Variants in ARL6IP4 observed in about 807,000 individuals in gnomAD.
The protein encoded by ARL6IP4 is ADP-ribosylation factor-like protein 6-interacting protein 4.
Under a neutral mutation model 28.1 loss-of-function variants are expected in ARL6IP4, and 24 were observed. That is an observed-to-expected ratio of 0.86 (90% CI 0.62 to 1.20). The LOEUF is 1.20. Ranked by LOEUF, ARL6IP4 falls within the 50% of genes most tolerant of loss-of-function variation. The pLI is 0.00. For missense variants in ARL6IP4, 343 were observed against 302.4 expected, an observed-to-expected ratio of 1.13 and a Z score of -1.00; for synonymous variants, 162 against 122.3, an observed-to-expected ratio of 1.32 and a Z score of -2.14.
Position 122,982,624 on chromosome 12 carries a change from C to T in ARL6IP4, c.662C>T (p.Ala221Val). 1 of 1,614,148 alleles carries T rather than the reference C, an allele frequency of 6.2e-7. No homozygotes were observed. The highest frequency in any genetic ancestry group is 8.5e-7 in the Non-Finnish European group (1 of 1,180,042). Residue 221 changes from alanine to valine, a missense_variant, in exon 6 of 6, where the codon GCC becomes GTC. Transcript: ENST00000315580. ...CCTGTGTGCTTTCTTCCCCAGCAAG[C>T]CACCCGAGGGGACTGCCTGGCCTTC... ...KERHREINKQATRGDCLAFQM... is the reference protein window; with the variant it reads ...KERHREINKQVTRGDCLAFQM...
chr12:122,981,086 G>T (rs540553014), intron 1 of ARL6IP4, 43 bp from the exon 2 acceptor site: 4 of 1,511,948 alleles, frequency 2.6e-6, no homozygotes, highest in Non-Finnish European at 3.5e-6. Flanking sequence ...GCCCGCGGCC[G>T]GCCTTGGGGG....
At chr12:122,982,203 C>G (rs576369615) in intron 4 of ARL6IP4, 129 bp downstream of exon 4, 1 of 1,081,212 alleles carries the variant, frequency 9.2e-7, no homozygotes, top group South Asian at 1.3e-5. Flanking sequence ...GGCAAAAATA[C>G]GGTCACTTGG....
In ARL6IP4 at chr12:122,982,825, G is replaced by A. The variant is rs1445654150; in HGVS notation, c.*149G>A. 61 of 832,724 alleles carry A rather than the reference G, an allele frequency of 7.3e-5. No homozygotes were observed. Among genetic ancestry groups the A allele is most frequent in the Non-Finnish European group, 1.3e-5 (7 of 531,328 alleles). The allele number at this position is 832,724 out of a possible 1,614,324, so 51.6% of individuals were successfully genotyped here. ...GCCCAGTCTCTTCTCAGGGGCAGGG[G>A]GTGGAGGTTGGGGTCACCGGCCTGC... On this transcript the variant is annotated 3_prime_UTR_variant, in exon 6 of 6. Coordinates refer to ENST00000315580, the MANE Select transcript of ARL6IP4 (RefSeq NM_018694.4).
chr12:122,981,428 G>A, intron 2 of ARL6IP4, 129 bp downstream of exon 2: 1 of 1,396,976 alleles, frequency 7.2e-7, no homozygotes, highest in Non-Finnish European at 9.4e-7. Flanking sequence ...AGGCGCCGCA[G>A]GAGCCAGGAA....
At position 122,981,190 on chromosome 12, in the gene ARL6IP4, G is replaced by C. The variant is rs1401686703; in HGVS notation, c.51G>C (p.Arg17=). 2 of 1,549,836 alleles carry C rather than the reference G, an allele frequency of 1.3e-6. No homozygotes were observed. The highest frequency in any genetic ancestry group is 1.4e-5 in the African/African-American group (1 of 73,104). Residue 17 remains arginine, a synonymous_variant, in exon 2 of 6, where the codon CGG becomes CGC. Coordinates refer to ENST00000315580, the MANE Select transcript of ARL6IP4 (RefSeq NM_018694.4). ...RKRSRSRSRS[R]GRGSEKRKKK... ...GCTCGAGGAGTCGCAGCCGGTCCCG[G>C]GGACGGGGGTCGGAAAAGAGAAAGA...
rs2037602154 is a variant in ARL6IP4 at position 122,980,684 on chromosome 12, C to G, written c.-73C>G. 3 of 1,343,682 alleles carry G rather than the reference C, an allele frequency of 2.2e-6. No homozygotes were observed. The highest frequency in any genetic ancestry group is 1.9e-5 in the South Asian group (1 of 52,654). The allele number at this position is 1,343,682 out of a possible 1,614,324, so 83.2% of individuals were successfully genotyped here. A position where few individuals can be genotyped will look rare whatever the true frequency, so the allele number is the denominator to read the frequency against. Reference sequence around the variant, plus strand: ...GCGCAGCGCCCCGGCCGGAAGCCTCCTCGCCGCCGCTTCCTCTCGAGAAGG... The same window carrying G: ...GCGCAGCGCCCCGGCCGGAAGCCTCGTCGCCGCCGCTTCCTCTCGAGAAGG... On this transcript the variant is annotated 5_prime_UTR_variant, in exon 1 of 6. Coordinates refer to ENST00000315580, the MANE Select transcript of ARL6IP4 (RefSeq NM_018694.4).
chr12:122,982,435 A>G (rs755777090), intron 4 of ARL6IP4, 34 bp from the exon 5 acceptor site: 2 of 1,580,030 alleles, frequency 1.3e-6, no homozygotes, highest in South Asian at 1.1e-5. Context: ...GGACCTGCCT[A>G]TTCCTTGCTG....
Position 122,981,583 on chromosome 12 carries a change from C to G in ARL6IP4, c.173C>G (p.Pro58Arg), listed in dbSNP as rs375991340. Residue 58 changes from proline (P) to arginine (R), a missense_variant, in exon 3 of 6, where the codon CCC (proline) becomes CGC (arginine). By Grantham distance (103) the Pro-to-Arg change is moderately radical (BLOSUM62 -2). Transcript: ENST00000315580. Reference sequence around the variant, plus strand: ...CCTGGCCTTCCAGCCTCACCTTCTCCCTGCATCACAGAGAGAAGCAAGCAG... The same window carrying G: ...CCTGGCCTTCCAGCCTCACCTTCTCGCTGCATCACAGAGAGAAGCAAGCAG... ...TAPGAEASPS[P>R]CITERSKQKA... The G allele has an allele frequency of 1.5e-5, 24 of 1,553,360 alleles. No individual in the cohort carries two copies. The highest frequency in any genetic ancestry group is 1.9e-5 in the Non-Finnish European group (22 of 1,151,232).
chr12:122,980,629 G>A, upstream of ARL6IP4: 1 of 1,406,258 alleles, frequency 7.1e-7, no homozygotes, highest in Non-Finnish European at 9.3e-7. Context: ...AAAGGCAGCG[G>A]CGCCGCGCTT....
chr12:122,980,865 A>G, intron 1 of ARL6IP4, 120 bp downstream of exon 1: 1 of 1,333,658 alleles, frequency 7.5e-7, no homozygotes, highest in South Asian at 2.1e-5. Flanking sequence ...GACGGCGGCC[A>G]GTTCCCAGGG....
At chr12:122,982,226 C>G in intron 4 of ARL6IP4, 152 bp downstream of exon 4, 1 of 946,146 alleles carries the variant, frequency 1.1e-6, no homozygotes, top group Admixed American at 2.0e-5. Context: ...TAAGTAGTTG[C>G]AGGGGCTGGA....
upstream of ARL6IP4, chr12:122,980,674 C>T (rs973346304): frequency 3.7e-6 from 5 of 1,353,300 alleles, no homozygotes; most frequent in East Asian, 3.1e-5. Context: ...GCGCCCCGGC[C>T]GGAAGCCTCC....
At chr12:122,980,824 C>G in intron 1 of ARL6IP4, 79 bp downstream of exon 1, 1 of 1,327,066 alleles carries the variant, frequency 7.5e-7, no homozygotes, top group East Asian at 3.1e-5. Context: ...TAGGAGAGCG[C>G]GGGAAAGCGC....
rs2037692770 is a variant in ARL6IP4 at position 122,981,959 on chromosome 12, C to T, written c.472C>T (p.Leu158=). ...ACCACCTCCGTCTTCCCTTCCAGTC[C>T]TGACGGATGAGCAGAAGTCCCGAAT... ...SAGEEEDGPV[L]TDEQKSRIQA... is the part of the protein sequence containing the mutation. The change falls in exon 4 of 6, where the codon CTG becomes TTG. Residue 158 remains leucine, a splice_region_variant and synonymous_variant. Coordinates refer to ENST00000315580, the MANE Select transcript of ARL6IP4 (RefSeq NM_018694.4). 6.2e-7 allele frequency: 1 copy of T among 1,613,730 alleles called. No homozygotes were observed. Among genetic ancestry groups the T allele is most frequent in the African/African-American group, 1.3e-5 (1 of 75,020 alleles).
chr12:122,981,616 G>T lies in ARL6IP4; in HGVS notation c.206G>T (p.Arg69Leu). The change falls in exon 3 of 6, where the codon CGG (arginine) becomes CTG (leucine). Residue 69 changes from arginine to leucine, a missense_variant. Arg to Leu is a moderately radical substitution (Grantham distance 102). Transcript: ENST00000315580. ...CITERSKQKA[R>L]RRTRSSSSSS... ...ACAGAGAGAAGCAAGCAGAAGGCCC[G>T]GAGGAGAACAAGATCCAGCTCCTCC... 1.9e-6 allele frequency: 3 copies of T among 1,562,048 alleles called. No individual in the cohort carries two copies. The highest frequency in any genetic ancestry group is 2.6e-6 in the Non-Finnish European group (3 of 1,155,326).
upstream of ARL6IP4, chr12:122,980,469 C>T (rs2037593226): frequency 7.3e-7 from 1 of 1,363,510 alleles, no homozygotes; most frequent in Non-Finnish European, 9.4e-7. Flanking sequence ...GGCGTGGGTG[C>T]TGCGGGCGTG....
chr12:122,982,309 C>T (rs1164989261), intron 4 of ARL6IP4, 160 bp from the exon 5 acceptor site: 1 of 847,650 alleles, frequency 1.2e-6, no homozygotes, highest in African/African-American at 1.7e-5. Flanking sequence ...CCCAGCTCCA[C>T]TGCCTTCATC....
upstream of ARL6IP4, chr12:122,980,311 AC>A: frequency 7.7e-7 from 1 of 1,290,496 alleles, no homozygotes; most frequent in Non-Finnish European, 9.8e-7. Flanking sequence ...CCCTACGGAC[AC>A]GAGTTTGCGA....
Position 122,982,726 on chromosome 12 carries a change from G to T in ARL6IP4, c.*50G>T. On this transcript the variant is annotated 3_prime_UTR_variant, in exon 6 of 6. Transcript: ENST00000315580. Reference sequence around the variant, plus strand: ...GGACGACGCTGGCGGCCCAGCCTGGGCAGGTTTCAGGGTGCCAGTGGGAAG... The same window carrying T: ...GGACGACGCTGGCGGCCCAGCCTGGTCAGGTTTCAGGGTGCCAGTGGGAAG... The T allele has an allele frequency of 6.3e-7, 1 of 1,586,968 alleles. No individual in the cohort carries two copies. The highest frequency in any genetic ancestry group is 8.6e-7 in the Non-Finnish European group (1 of 1,160,514).
Sources: allele counts gnomAD v4.1 joint callset, GRCh38; gene constraint gnomAD v4.1.1; transcripts MANE v1.5; gene names NCBI Gene and HGNC (gene_info 2026-07-23, HGNC 2026-07-21).